The following RYR2 variants were observed in gnomAD, a reference collection of about 807,000 sequenced individuals.
RYR2 encodes the protein cardiac muscle ryanodine receptor-calcium release channel.
Under a neutral mutation model 601.1 loss-of-function variants are expected in RYR2, and 227 were observed. The ratio of observed to expected loss-of-function variants is 0.38; its 90% CI spans 0.34 to 0.42. The LOEUF is 0.42. Among genes scored for constraint, RYR2 ranks in the 10% least tolerant of loss-of-function variants. The pLI is 1.00. For synonymous variants in RYR2, 2,223 were observed against 2,175.1 expected, an observed-to-expected ratio of 1.02 and a Z score of -0.61; for missense variants, 4,646 against 6,156.5, an observed-to-expected ratio of 0.75 and a Z score of 8.21.
chr1:237,487,814 A>G (rs1360854908), intron 17 of RYR2, among the ~76,000 whole-genome samples: 1 of 151,564 alleles, frequency 6.6e-6, no homozygotes, highest in Non-Finnish European at 1.5e-5. Context: ...GTTTATTCCA[A>G]TAAAATTGAA....
intron 41 of RYR2, 93 bp from the exon 42 acceptor site, chr1:237,631,334 A>T: frequency 1.3e-6 from 1 of 770,748 alleles, no homozygotes; most frequent in Non-Finnish European, 2.2e-6. Flanking sequence ...TTTTCAACTC[A>T]CATAAATTAT....
In RYR2 at chr1:237,095,849, T is replaced by C. The variant is rs895198179; in HGVS notation, c.48+53280T>C. On this transcript the variant is annotated intron_variant, in intron 1 of 104. Transcript: ENST00000366574. ...CAAGAGGATTCTGCAGAAAGAGAGA[T>C]GGATGTCATCAGAATAGGCGGGGAA... is the stretch of plus-strand genomic sequence containing the variant. Among the ~76,000 whole-genome samples the C allele has an allele frequency of 5.3e-5, 8 of 152,172 alleles. No homozygotes were observed. The East Asian group carries it at 5.8e-4, about 11-fold the overall frequency.
In RYR2 at chr1:237,569,373, C is replaced by T. The variant is rs12740534; in HGVS notation, c.3598+54C>T. 0.045 allele frequency: 69,534 copies of T among 1,543,198 alleles called. 1,852 individuals carry two copies. Among genetic ancestry groups the T allele is most frequent in the Admixed American group, 0.068 (3,588 of 53,030 alleles). On this transcript the variant is annotated intron_variant, in intron 29 of 104. Transcript: ENST00000366574. The stretch of plus-strand genomic sequence containing the variant: ...TAAGTTTGCAGCACAAGGAAGCTTT[C>T]ATCCTGAGGCTTCCTAACCGGGCGT...
At chr1:237,458,308 A>C (rs527628858) in intron 16 of RYR2, among the ~76,000 whole-genome samples, 3 of 152,310 alleles carry the variant, frequency 2.0e-5, no homozygotes, top group South Asian at 4.1e-4. Context: ...GGGAGCCTGT[A>C]ACCCCAGCTA....
intron 79 of RYR2, among the ~76,000 whole-genome samples, chr1:237,738,107 C>A (rs1345555198): frequency 6.6e-6 from 1 of 152,170 alleles, no homozygotes; most frequent in Non-Finnish European, 1.5e-5. Flanking sequence ...ACGGATGTTA[C>A]TTTTGCTTTG....
intron 88 of RYR2, among the ~76,000 whole-genome samples, chr1:237,779,679 T>A (rs983751769): frequency 1.3e-5 from 2 of 152,172 alleles, no homozygotes; most frequent in Admixed American, 1.3e-4. Flanking sequence ...GGCTGGATGC[T>A]AGTAAAAGTG....
At chr1:237,408,042 G>T (rs1024550958) in intron 10 of RYR2, among the ~76,000 whole-genome samples, 1 of 151,940 alleles carries the variant, frequency 6.6e-6, no homozygotes, top group African/African-American at 2.4e-5. Context: ...GTGTTTTCTT[G>T]CAGATCAGAG....
intron 50 of RYR2, 27 bp downstream of exon 50, chr1:237,650,124 GCTT>G (rs1573338829): frequency 2.5e-6 from 4 of 1,583,934 alleles, no homozygotes; most frequent in South Asian, 1.1e-5. Context: ...TTCTATTCCG[GCTT>G]CTTCTTTAAA....
At chr1:237,664,518 C>T (rs753601404) in intron 56 of RYR2, among the ~76,000 whole-genome samples, 25 of 152,116 alleles carry the variant, frequency 1.6e-4, no homozygotes, top group South Asian at 2.1e-4. Context: ...TGGTGGTAGA[C>T]GAGAAGAATG....
intron 1 of RYR2, among the ~76,000 whole-genome samples, chr1:237,088,058 T>G (rs940901677): frequency 6.6e-6 from 1 of 152,220 alleles, no homozygotes; most frequent in African/African-American, 2.4e-5. Flanking sequence ...CATTTCTGCC[T>G]TTGGAAATTA....
chr1:237,235,566 G>T (rs1020818832), intron 1 of RYR2, among the ~76,000 whole-genome samples: 8 of 152,198 alleles, frequency 5.3e-5, no homozygotes, highest in African/African-American at 1.9e-4. Context: ...AGTTGGAGTT[G>T]GTGGAGTGAA....
chr1:237,605,205 A>G (rs1676977841), intron 35 of RYR2, among the ~76,000 whole-genome samples: 1 of 152,212 alleles, frequency 6.6e-6, no homozygotes, highest in Non-Finnish European at 1.5e-5. Context: ...CCAGCAACAC[A>G]TCAAAAAGCT....
intron 1 of RYR2, among the ~76,000 whole-genome samples, chr1:237,184,632 TTAGC>T (rs1327336967): frequency 1.3e-5 from 2 of 152,226 alleles, no homozygotes; most frequent in African/African-American, 4.8e-5. Flanking sequence ...ACGATGGACT[TTAGC>T]TATACTGAAG....
At chr1:237,669,261 C>T (rs1027048615) in intron 58 of RYR2, among the ~76,000 whole-genome samples, 1 of 151,970 alleles carries the variant, frequency 6.6e-6, no homozygotes, top group Non-Finnish European at 1.5e-5. Context: ...AATGAAAAGT[C>T]TCCCATGTAT....
chr1:237,109,914 T>C (rs1403585477), intron 1 of RYR2, among the ~76,000 whole-genome samples: 1 of 151,418 alleles, frequency 6.6e-6, no homozygotes, highest in African/African-American at 2.4e-5. Flanking sequence ...CCGAGAAAAC[T>C]GCCCAAAATA....
intron 1 of RYR2, among the ~76,000 whole-genome samples, chr1:237,182,600 C>A (rs1258382432): frequency 6.6e-6 from 1 of 152,124 alleles, no homozygotes; most frequent in East Asian, 1.9e-4. Flanking sequence ...AAAATGGTAT[C>A]ACATACTATA....
intron 1 of RYR2, among the ~76,000 whole-genome samples, chr1:237,136,326 A>G (rs1282192095): frequency 6.6e-6 from 1 of 152,170 alleles, no homozygotes; most frequent in Non-Finnish European, 1.5e-5. Flanking sequence ...GGGGCTGAAT[A>G]ACCCTGGGTT....
chr1:237,395,055 C>T (rs77664685), intron 10 of RYR2, among the ~76,000 whole-genome samples: 6,723 of 152,226 alleles, frequency 0.044, 228 homozygotes, highest in Non-Finnish European at 0.071. Context: ...CCCCATGATC[C>T]AGTCACCTCC....
At chr1:237,683,823 T>C (rs1344930657) in intron 62 of RYR2, among the ~76,000 whole-genome samples, 1 of 152,188 alleles carries the variant, frequency 6.6e-6, no homozygotes. Context: ...TGGGAGGCCA[T>C]GGCAGGCACC....
Sources: gnomAD v4.1 joint callset for allele counts (sites outside exome capture counted in the v4.1 genomes callset) on GRCh38, gnomAD v4.1.1 for gene constraint, MANE v1.5 for transcripts, NCBI Gene and HGNC (gene_info 2026-07-23, HGNC 2026-07-21) for gene names.